The following GKAP1 variants were observed in gnomAD, a reference collection of about 807,000 sequenced individuals.
GKAP1 encodes G kinase anchoring protein 1.
GKAP1 carries 31 observed loss-of-function variants against 56.7 expected under a neutral mutation model. That is an observed-to-expected ratio of 0.55 (90% CI 0.41 to 0.74). The LOEUF is 0.74. Ranked by LOEUF, GKAP1 falls within the 30% of genes least tolerant of loss-of-function variation. GKAP1 has a pLI of 0.00. For synonymous variants in GKAP1, 151 were observed against 138.6 expected, an observed-to-expected ratio of 1.09 and a Z score of -0.63; for missense variants, 364 against 402.3, an observed-to-expected ratio of 0.90 and a Z score of 0.82.
At chr9:83,775,007 C>G (rs1943832707) in intron 7 of GKAP1, among the ~76,000 whole-genome samples, 1 of 113,202 alleles carries the variant, frequency 8.8e-6, no homozygotes, top group African/African-American at 2.9e-5. Flanking sequence ...GCGCCCGGCC[C>G]CTTCTTTTTT....
chr9:83,770,095 A>C (rs1010623127), intron 7 of GKAP1, among the ~76,000 whole-genome samples: 1 of 152,062 alleles, frequency 6.6e-6, no homozygotes, highest in African/African-American at 2.4e-5. Context: ...TATATTCTAA[A>C]TGTCTATATC....
intron 8 of GKAP1, among the ~76,000 whole-genome samples, chr9:83,762,919 A>T (rs986686283): frequency 6.6e-6 from 1 of 152,210 alleles, no homozygotes; most frequent in Non-Finnish European, 1.5e-5. Flanking sequence ...CTACCACATG[A>T]TCCAACAATC....
chr9:83,781,197 T>C (rs1019995862), intron 6 of GKAP1, among the ~76,000 whole-genome samples: 4 of 152,128 alleles, frequency 2.6e-5, no homozygotes, highest in African/African-American at 9.7e-5. Flanking sequence ...ACCCCATCTC[T>C]ACTAAAAATA....
chr9:83,804,511 C>A (rs1188422147), intron 3 of GKAP1, among the ~76,000 whole-genome samples: 4 of 79,514 alleles, frequency 5.0e-5, no homozygotes, highest in South Asian at 4.4e-4. Context: ...GCCGCCCCGT[C>A]CGGGAGGGAG....
intron 7 of GKAP1, among the ~76,000 whole-genome samples, chr9:83,778,175 G>A (rs1170866709): frequency 4.6e-5 from 7 of 152,170 alleles, no homozygotes; most frequent in Admixed American, 4.6e-4. Context: ...AATACCATTT[G>A]ATCCAGCAAT....
chr9:83,753,653 T>C (rs1174803811), intron 8 of GKAP1, among the ~76,000 whole-genome samples: 3 of 152,196 alleles, frequency 2.0e-5, no homozygotes, highest in African/African-American at 7.2e-5. Flanking sequence ...GTTGTTGTTA[T>C]TAGTCTATCT....
chr9:83,779,610 T>TACACACACAC (rs536500445), intron 7 of GKAP1, among the ~76,000 whole-genome samples: 1 of 84,216 alleles, frequency 1.2e-5, no homozygotes, highest in South Asian at 3.6e-4. Context: ...TATATACACA[T>TACACACACAC]ATACACACAC....
At chr9:83,779,510 T>A (rs868324326) in intron 7 of GKAP1, among the ~76,000 whole-genome samples, 1 of 129,494 alleles carries the variant, frequency 7.7e-6, no homozygotes. Context: ...CACATATATG[T>A]GTATATATAT....
intron 12 of GKAP1, 28 bp from the exon 13 acceptor site, chr9:83,739,772 A>G: frequency 6.4e-7 from 1 of 1,566,914 alleles, no homozygotes; most frequent in Non-Finnish European, 8.7e-7. Context: ...AATAGGGAAA[A>G]TTATTTACAA....
At chr9:83,780,730 G>C (rs1295363210) in intron 6 of GKAP1, among the ~76,000 whole-genome samples, 8 of 152,004 alleles carry the variant, frequency 5.3e-5, no homozygotes, top group Admixed American at 5.2e-4. Context: ...TTTGGGAGGT[G>C]GGGGGAGCAA....
At chr9:83,741,360 TCACACACACACACA>T (rs35325635) in intron 12 of GKAP1, among the ~76,000 whole-genome samples, 3 of 48,654 alleles carry the variant, frequency 6.2e-5, no homozygotes, top group Middle Eastern at 0.013. Context: ...AATATATCTC[TCACACACACACACA>T]CACACACACA....
intron 2 of GKAP1, among the ~76,000 whole-genome samples, chr9:83,812,361 T>TA (rs1564218728): frequency 1.3e-3 from 190 of 144,922 alleles, no homozygotes; most frequent in African/African-American, 2.5e-3. Context: ...ATATATATAT[T>TA]TTTTTTTAGA....
rs1262265970 is a variant in GKAP1 at position 83,774,822 on chromosome 9, G to A, written c.585+5560C>T. On this transcript the variant is annotated intron_variant, in intron 7 of 12. Transcript: ENST00000376371. ...CCTCCCGGGTTCAGGCGATTCTCCT[G>A]CCTCAGCTCCTGAGTAGCTGGGACT... 2.8e-5 allele frequency among the ~76,000 whole-genome samples: 4 copies of A among 141,840 alleles called. No individual in the cohort carries two copies. The Admixed American group carries it at 3.1e-4, about 11-fold the overall frequency. The allele number at this position is 141,840 out of a possible 152,430, so 93.1% of individuals were successfully genotyped here.
At chr9:83,790,582 A>C (rs1217135611) in intron 4 of GKAP1, among the ~76,000 whole-genome samples, 1 of 152,150 alleles carries the variant, frequency 6.6e-6, no homozygotes, top group Non-Finnish European at 1.5e-5. Flanking sequence ...CAGGAGTTTG[A>C]GACCAGCCTG....
intron 4 of GKAP1, among the ~76,000 whole-genome samples, chr9:83,793,532 TTA>T (rs1277393866): frequency 6.6e-6 from 1 of 152,252 alleles, no homozygotes; most frequent in African/African-American, 2.4e-5. Context: ...TAATGTATTT[TTA>T]TGTCTTCTGA....
intron 10 of GKAP1, among the ~76,000 whole-genome samples, chr9:83,746,781 A>G (rs897025949): frequency 6.6e-6 from 1 of 152,216 alleles, no homozygotes; most frequent in Admixed American, 6.5e-5. Context: ...TGCTATGTAA[A>G]TAGTTGTTAC....
Position 83,806,999 on chromosome 9 carries a change from C to T in GKAP1, c.-43-439G>A, listed in dbSNP as rs1168451104. ...AAAAAAAGGAGTAAAGACGGAATAC[C>T]ACTCTTATCATATATAAAATACTAC... is the stretch of plus-strand genomic sequence containing the variant. On this transcript the variant is annotated intron_variant, in intron 2 of 12. Transcript: ENST00000376371. Among the ~76,000 whole-genome samples the T allele has an allele frequency of 2.0e-5, 3 of 152,092 alleles. No individual in the cohort carries two copies. In the East Asian group the frequency reaches 5.8e-4, roughly 29 times the overall value.
chr9:83,795,557 C>T lies in GKAP1; in HGVS notation c.360+3628G>A, dbSNP rs1252487319. Among the ~76,000 whole-genome samples the T allele has an allele frequency of 3.4e-5, 5 of 146,330 alleles. No individual in the cohort carries two copies. The South Asian group carries it at 8.7e-4, about 26-fold the overall frequency. On this transcript the variant is annotated intron_variant, in intron 4 of 12. Transcript: ENST00000376371. ...TTGCAGAAAGGATAATGGTGGTATA[C>T]TCTCTCAGTTATGGTTATGTCTGAG...
chr9:83,745,795 A>ATT (rs534829233), intron 10 of GKAP1, among the ~76,000 whole-genome samples: 1,713 of 145,412 alleles, frequency 0.012, 29 homozygotes, highest in African/African-American at 0.041. Flanking sequence ...TTTTCCCCGT[A>ATT]TTTTTTTTTT....
Sources: allele counts gnomAD v4.1 joint callset (sites outside exome capture counted in the v4.1 genomes callset), GRCh38; gene constraint gnomAD v4.1.1; transcripts MANE v1.5; gene names NCBI Gene and HGNC (gene_info 2026-07-23, HGNC 2026-07-21).